The following PFKM variants were observed in gnomAD, a reference collection of about 807,000 sequenced individuals.
The protein encoded by PFKM is phosphofructokinase, muscle, also known as ATP-dependent 6-phosphofructokinase, muscle type.
In PFKM, 58 loss-of-function variants were observed where a neutral mutation model predicts 95.5. The observed-to-expected ratio is 0.61, with a 90% CI of 0.49 to 0.76. The LOEUF (loss-of-function observed/expected upper bound fraction) is 0.76. Among genes scored for constraint, PFKM ranks in the 30% least tolerant of loss-of-function variants. The pLI is 0.00. For synonymous variants in PFKM, 336 were observed against 357.2 expected, an observed-to-expected ratio of 0.94 and a Z score of 0.67; for missense variants, 678 against 1,005.4, an observed-to-expected ratio of 0.67 and a Z score of 4.40.
chr12:48,135,185 T>C (rs1949955926), intron 9 of PFKM, 106 bp from the exon 10 acceptor site: 5 of 1,184,180 alleles, frequency 4.2e-6, no homozygotes, highest in Non-Finnish European at 6.3e-6. Flanking sequence ...CAAAGAACCA[T>C]TACAAGACAA....
chr12:48,132,321 G>C (rs1470327807), intron 4 of PFKM: 1 of 290,588 alleles, frequency 3.4e-6, no homozygotes, highest in African/African-American at 2.2e-5. Context: ...TTTTTCCTGT[G>C]AATACCTGGA....
In PFKM at chr12:48,106,199, C is replaced by T. The variant is rs188020136; in HGVS notation, c.-10+62C>T. On this transcript the variant is annotated intron_variant, in intron 1 of 24. Coordinates refer to the PFKM transcript ENST00000340802. ...AGAACAGAGTTAAGGACCAGTGGGG[C>T]GCCTGCGCGGTGTGGCGAGGCCCGA... 9.3e-5 allele frequency: 63 copies of T among 675,922 alleles called. No homozygotes were observed. The African/African-American group carries it at 9.4e-4, about 10-fold the overall frequency. The allele number at this position is 675,922 out of a possible 1,614,324, so 41.9% of individuals were successfully genotyped here.
At chr12:48,107,523 G>A (rs1946792450) in intron 2 of PFKM, 1 of 998,090 alleles carries the variant, frequency 1.0e-6, no homozygotes, top group Admixed American at 1.8e-5. Flanking sequence ...TCTAAATACA[G>A]GATGTGAGGC....
At chr12:48,131,468 C>A in intron 4 of PFKM, 75 bp downstream of exon 4, 2 of 1,027,868 alleles carry the variant, frequency 1.9e-6, no homozygotes, top group Non-Finnish European at 1.5e-6. Context: ...GGCTCATGGT[C>A]TCCTAAATTC....
At chr12:48,106,436 G>T (rs1170219628) in intron 1 of PFKM, 14 of 419,224 alleles carry the variant, frequency 3.3e-5, no homozygotes, top group Non-Finnish European at 6.0e-5. Flanking sequence ...TTTCGCGGTG[G>T]CCCTAAATCT....
In PFKM at chr12:48,145,928, G is replaced by C; in HGVS notation, c.*220G>C. On this transcript the variant is annotated 3_prime_UTR_variant, in exon 23 of 23. Transcript: ENST00000359794. The surrounding 1 kb of genome is among the most constrained non-coding windows in gnomAD (Gnocchi z 4.3). ...CATGACTTCTGCCCCAGCTTTATCT[G>C]TCACACAAGGCTGGGCACCTCTAGT... 1.7e-6 allele frequency: 1 copy of C among 576,646 alleles called. No homozygotes were observed. The highest frequency in any genetic ancestry group is 3.1e-6 in the Non-Finnish European group (1 of 322,492). 35.7% of individuals were successfully genotyped at this position (576,646 alleles called of 1,614,324 possible).
intron 10 of PFKM, 90 bp from the exon 11 acceptor site, chr12:48,137,631 T>C (rs1950216723): frequency 6.6e-7 from 1 of 1,513,496 alleles, no homozygotes; most frequent in African/African-American, 1.4e-5. Flanking sequence ...TCTTGTGATT[T>C]GGAAAAGGGC....
rs186773571 is a variant in PFKM, at chr12:48,133,759, A to G, written c.593+279A>G. 3.7e-3 allele frequency among the ~76,000 whole-genome samples: 564 copies of G among 152,266 alleles called. 2 individuals carry two copies. Among genetic ancestry groups the G allele is most frequent in the Admixed American group, 6.5e-3 (100 of 15,300 alleles). ...ATTGGGGTAAATGGTTATTCTTCAG[A>G]CTGGGCAAATCTAGGGAGCCCAGAC... On this transcript the variant is annotated intron_variant, in intron 6 of 22. Transcript: ENST00000359794.
At position 48,139,335 on chromosome 12, in the gene PFKM, G is replaced by A. The variant is rs2135976209; in HGVS notation, c.1113G>A (p.Leu371=). The change falls in exon 12 of 23, where the codon CTG becomes CTA. Residue 371 remains leucine, a synonymous_variant. Transcript: ENST00000359794. ...AMDEKKFDEA[L]KLRGRSFMNN... is the part of the protein sequence containing the mutation. ...ATGAGAAGAAATTTGACGAAGCCCT[G>A]AAGCTGAGAGGCCGGTGAGGAGATG... is the stretch of plus-strand genomic sequence containing the variant. 6 of 1,613,662 alleles carry A rather than the reference G, an allele frequency of 3.7e-6. No individual in the cohort carries two copies. The South Asian group carries it at 5.5e-5, about 15-fold the overall frequency.
Position 48,133,491 on chromosome 12 carries a change from T to TTGGGAGGTAGGCAGTGTAAGAAGA in PFKM, c.593+15_593+38dup. On this transcript the variant is annotated intron_variant, in intron 6 of 22. Coordinates refer to ENST00000359794, the MANE Select transcript of PFKM (RefSeq NM_000289.6). The stretch of plus-strand genomic sequence containing the variant: ...TACCACTGCCCAGAGGTAAGGGGAC[T>TTGGGAGGTAGGCAGTGTAAGAAGA]TGGGAGGTAGGCAGTGTAAGAAGAT... 1.2e-6 allele frequency: 2 copies of TTGGGAGGTAGGCAGTGTAAGAAGA among 1,612,988 alleles called. No homozygotes were observed. Among genetic ancestry groups the TTGGGAGGTAGGCAGTGTAAGAAGA allele is most frequent in the Non-Finnish European group, 8.5e-7 (1 of 1,178,980 alleles).
chr12:48,108,783 C>T (rs1424538815), intron 3 of PFKM, among the ~76,000 whole-genome samples: 1 of 152,054 alleles, frequency 6.6e-6, no homozygotes, highest in African/African-American at 2.4e-5. Flanking sequence ...ATTGAGTTCC[C>T]GCTATTTGCC....
intron 2 of PFKM, among the ~76,000 whole-genome samples, chr12:48,124,273 A>G (rs981451352): frequency 1.3e-5 from 2 of 152,206 alleles, no homozygotes; most frequent in African/African-American, 4.8e-5. Context: ...GCAGAGCCCT[A>G]GTTGAGTTTG....
At chr12:48,118,271 G>T (rs1592629349), upstream of PFKM, among the ~76,000 whole-genome samples, 1 of 152,024 alleles carries the variant, frequency 6.6e-6, no homozygotes, top group East Asian at 1.9e-4. Flanking sequence ...TTTATTTTTG[G>T]TTTACATTCT....
At chr12:48,134,366 C>T (rs1449678979) in intron 7 of PFKM, 90 bp downstream of exon 7, 8 of 1,102,524 alleles carry the variant, frequency 7.3e-6, no homozygotes, top group Non-Finnish European at 1.1e-5. Context: ...CTCTCAGTAG[C>T]AGCAGATCTG....
upstream of PFKM, among the ~76,000 whole-genome samples, chr12:48,117,413 GT>G (rs1449292142): frequency 6.6e-6 from 1 of 152,216 alleles, no homozygotes; most frequent in African/African-American, 2.4e-5. Context: ...CTGTCAAACT[GT>G]CTTCTACAGT....
chr12:48,119,196 TAGG>T, upstream of PFKM: 1 of 788,572 alleles, frequency 1.3e-6, no homozygotes. Flanking sequence ...GCTGAGTACT[TAGG>T]GGGAGGAGGA....
rs1319392367 is a variant in PFKM at position 48,134,978 on chromosome 12, T to C, written c.783T>C (p.Ile261=). Residue 261 remains isoleucine, a synonymous_variant, in exon 9 of 23, where the codon ATT becomes ATC. Coordinates refer to ENST00000359794, the MANE Select transcript of PFKM (RefSeq NM_000289.6). ...RTRGSRLNII[I]VAEGAIDKNG... ...GTGGTTCTCGTCTCAACATCATCAT[T>C]GTGGCTGAGGGTGCAATTGACAAGA... is the stretch of plus-strand genomic sequence containing the variant. 1.2e-6 allele frequency: 2 copies of C among 1,614,098 alleles called. No homozygotes were observed. The highest frequency in any genetic ancestry group is 1.7e-6 in the Non-Finnish European group (2 of 1,180,004).
rs147786904 is a variant in PFKM, at chr12:48,143,334, A to G, written c.1818+388A>G. 3.8e-3 allele frequency among the ~76,000 whole-genome samples: 573 copies of G among 152,320 alleles called. 2 individuals carry two copies. The highest frequency in any genetic ancestry group is 6.2e-3 in the Non-Finnish European group (421 of 68,012). On this transcript the variant is annotated intron_variant, in intron 18 of 22. Coordinates refer to ENST00000359794, the MANE Select transcript of PFKM (RefSeq NM_000289.6). ...TGAGAAAGTCAGTGATCTTTTTACT[A>G]CATCATGTCTCCCCTTCAGATTTCC... is the stretch of plus-strand genomic sequence containing the variant.
chr12:48,126,904 T>A (rs866623038), intron 2 of PFKM, among the ~76,000 whole-genome samples: 1 of 152,230 alleles, frequency 6.6e-6, no homozygotes, highest in South Asian at 2.1e-4. Flanking sequence ...ACCTTGTTCC[T>A]TTCACACACA....
Sources: gnomAD v4.1 joint callset for allele counts (sites outside exome capture counted in the v4.1 genomes callset) on GRCh38, gnomAD v4.1.1 for gene constraint, Gnocchi (gnomAD v3.1) non-coding constraint, MANE v1.5 for transcripts, NCBI Gene and HGNC (gene_info 2026-07-23, HGNC 2026-07-21) for gene names.